The following HTR2C variants were observed in gnomAD, a reference collection of about 807,000 sequenced individuals.
HTR2C encodes 5-hydroxytryptamine receptor 2C, also known as 5-hydroxytryptamine (serotonin) receptor 2C, G protein-coupled.
In HTR2C, 5 loss-of-function variants were observed where a neutral mutation model predicts 21.0. The ratio of observed to expected loss-of-function variants is 0.24; its 90% CI spans 0.12 to 0.50. The LOEUF (loss-of-function observed/expected upper bound fraction) is 0.50. Ranked by LOEUF, HTR2C falls within the 20% of genes least tolerant of loss-of-function variation. The pLI is 0.98. For missense variants in HTR2C, 271 were observed against 371.2 expected (o/e 0.73, Z 2.22); for synonymous variants, 150 against 145.3 (o/e 1.03, Z -0.23).
intron 1 of HTR2C, among the ~76,000 whole-genome samples, chrX:114,588,952 A>T (rs1556390408): frequency 8.9e-6 from 1 of 111,940 alleles, no homozygotes; most frequent in Non-Finnish European, 1.9e-5. Context: ...AGAAGGTACT[A>T]CTATTATCCA....
chrX:114,661,688 T>C (rs1247944298), intron 2 of HTR2C, among the ~76,000 whole-genome samples: 1 of 110,501 alleles, frequency 9.0e-6, no homozygotes, highest in Non-Finnish European at 1.9e-5. Flanking sequence ...CTATAAATAA[T>C]TATTTTGGCA....
chrX:114,869,245 T>C (rs1445506902), intron 5 of HTR2C, among the ~76,000 whole-genome samples: 1 of 111,691 alleles, frequency 9.0e-6, no homozygotes, highest in Non-Finnish European at 1.9e-5. Flanking sequence ...CTATCATTGA[T>C]GGACATTTGG....
chrX:114,835,684 C>T (rs1336284851), intron 4 of HTR2C, among the ~76,000 whole-genome samples: 4 of 112,065 alleles, frequency 3.6e-5, no homozygotes, highest in African/African-American at 1.3e-4. Context: ...ATTTGATCGT[C>T]TGAAGCCTTC....
intron 2 of HTR2C, among the ~76,000 whole-genome samples, chrX:114,615,901 C>T (rs1928929817): frequency 8.9e-6 from 1 of 111,797 alleles, no homozygotes; most frequent in African/African-American, 3.2e-5. Flanking sequence ...ACAAGTCCTA[C>T]CCCATCTAGA....
chrX:114,691,995 T>A (rs2147861187), intron 2 of HTR2C, among the ~76,000 whole-genome samples: 1 of 111,808 alleles, frequency 8.9e-6, no homozygotes, highest in East Asian at 2.8e-4. Flanking sequence ...TTCTCCTAAA[T>A]TTTTATCTTC....
chrX:114,766,293 C>T (rs1382245712), intron 4 of HTR2C, among the ~76,000 whole-genome samples: 2 of 111,741 alleles, frequency 1.8e-5, no homozygotes, highest in Non-Finnish European at 3.8e-5. Flanking sequence ...AAAATAAGAA[C>T]TTCTATTTCA....
chrX:114,650,354 A>G (rs1476522671), intron 2 of HTR2C, among the ~76,000 whole-genome samples: 1 of 111,701 alleles, frequency 9.0e-6, no homozygotes, highest in Non-Finnish European at 1.9e-5. Context: ...ATGCCTTTCT[A>G]TCTAAACTCC....
chrX:114,760,004 A>G (rs144793510), intron 4 of HTR2C, among the ~76,000 whole-genome samples: 1,827 of 111,890 alleles, frequency 0.016, 42 homozygotes, highest in African/African-American at 0.056. Flanking sequence ...AAGTAGAGGC[A>G]AGACAGTAAC....
intron 1 of HTR2C, among the ~76,000 whole-genome samples, chrX:114,604,371 A>G (rs1556396011): frequency 9.1e-6 from 1 of 110,261 alleles, no homozygotes; most frequent in African/African-American, 3.3e-5. Flanking sequence ...AGAGGTTTAG[A>G]AGCCTGGCCG....
At chrX:114,856,194 CA>C (rs781810828) in intron 5 of HTR2C, among the ~76,000 whole-genome samples, 5 of 108,193 alleles carry the variant, frequency 4.6e-5, no homozygotes, top group Non-Finnish European at 9.6e-5. Context: ...AACAGAGAGA[CA>C]AATCATGAGT....
chrX:114,843,614 T>TATA, intron 4 of HTR2C, among the ~76,000 whole-genome samples: 1 of 111,426 alleles, frequency 9.0e-6, no homozygotes, highest in East Asian at 2.8e-4. Context: ...AAGACATGAC[T>TATA]ATAAATCCAG....
intron 5 of HTR2C, among the ~76,000 whole-genome samples, chrX:114,901,008 G>A (rs782477050): frequency 8.9e-6 from 1 of 112,343 alleles, no homozygotes; most frequent in Admixed American, 9.4e-5. Flanking sequence ...GCTGCTGGTA[G>A]TTTTGATCTT....
chrX:114,761,605 G>A (rs1362949447), intron 4 of HTR2C, among the ~76,000 whole-genome samples: 1 of 110,619 alleles, frequency 9.0e-6, no homozygotes, highest in Non-Finnish European at 1.9e-5. Flanking sequence ...CCCTTTCAAA[G>A]AAATGTGTAT....
chrX:114,812,469 C>T (rs782108182), intron 4 of HTR2C, among the ~76,000 whole-genome samples: 1 of 110,902 alleles, frequency 9.0e-6, no homozygotes, highest in South Asian at 3.9e-4. Context: ...GTGGCTTACA[C>T]CTATAATCCC....
At chrX:114,725,306 A>G (rs1485097333) in intron 2 of HTR2C, among the ~76,000 whole-genome samples, 17 of 111,691 alleles carry the variant, frequency 1.5e-4, no homozygotes, top group African/African-American at 4.9e-4. Flanking sequence ...AGTTGATCGC[A>G]TCGGCTCCTG....
At chrX:114,812,591 G>A (rs1008746968) in intron 4 of HTR2C, among the ~76,000 whole-genome samples, 4 of 110,015 alleles carry the variant, frequency 3.6e-5, no homozygotes, top group African/African-American at 6.6e-5. Flanking sequence ...TTAGCCGGGC[G>A]TGGTGGTGAG....
At chrX:114,841,479 T>C (rs1473731741) in intron 4 of HTR2C, among the ~76,000 whole-genome samples, 2 of 112,200 alleles carry the variant, frequency 1.8e-5, no homozygotes, top group Non-Finnish European at 3.8e-5. Flanking sequence ...CAGTGGCTCA[T>C]GCTTGTAGTC....
chrX:114,811,045 G>A, intron 4 of HTR2C, among the ~76,000 whole-genome samples: 1 of 111,559 alleles, frequency 9.0e-6, no homozygotes, highest in Non-Finnish European at 1.9e-5. Flanking sequence ...TTATGTCATT[G>A]AATGGCCAGT....
chrX:114,597,919 A>C, intron 1 of HTR2C, among the ~76,000 whole-genome samples: 1 of 111,921 alleles, frequency 8.9e-6, no homozygotes, highest in Middle Eastern at 4.6e-3. Flanking sequence ...TTAATGATGA[A>C]ACTTTTCTCA....
Sources: allele counts gnomAD v4.1 joint callset (sites outside exome capture counted in the v4.1 genomes callset), GRCh38; gene constraint gnomAD v4.1.1; transcripts MANE v1.5; gene names NCBI Gene and HGNC (gene_info 2026-07-23, HGNC 2026-07-21).